The following OR13C3 variants were observed in gnomAD, a reference collection of about 807,000 sequenced individuals.
OR13C3 encodes the protein olfactory receptor 13C3.
Under a neutral mutation model 14.4 loss-of-function variants are expected in OR13C3, and 19 were observed. The ratio of observed to expected loss-of-function variants is 1.31; its 90% CI spans 0.92 to 1.93. The LOEUF (loss-of-function observed/expected upper bound fraction) is 1.93. Among genes scored for constraint, OR13C3 ranks in the 30% most tolerant of loss-of-function variants. OR13C3 has a pLI of 0.00. For missense variants in OR13C3, 394 were observed against 381.4 expected (o/e 1.03, Z -0.27); for synonymous variants, 140 against 142.5 (o/e 0.98, Z 0.12).
chr9:104,535,842 T>C (rs1210257676), exon 1 of OR13C3: 3 of 1,613,594 alleles, frequency 1.9e-6, no homozygotes, highest in East Asian at 4.5e-5. Context: ...AGCTATAGAG[T>C]ATAGGATTCA....
chr9:104,536,708 G>T, exon 1 of OR13C3: 1 of 1,613,702 alleles, frequency 6.2e-7, no homozygotes, highest in Non-Finnish European at 8.5e-7. Flanking sequence ...ACAAGTGTCT[G>T]GTTAATCTCA....
chr9:104,535,940 G>A, exon 1 of OR13C3: 1 of 1,614,052 alleles, frequency 6.2e-7, no homozygotes, highest in Non-Finnish European at 8.5e-7. Context: ...TGAGACTTCG[G>A]TTTCGCATAC....
chr9:104,536,051 T>C, exon 1 of OR13C3: 1 of 1,613,950 alleles, frequency 6.2e-7, no homozygotes, highest in Non-Finnish European at 8.5e-7. Flanking sequence ...ATTTGCAAGA[T>C]GGTGTAGAGG....
chr9:104,536,616 T>A (rs1735720807), exon 1 of OR13C3: 2 of 1,613,874 alleles, frequency 1.2e-6, no homozygotes, highest in South Asian at 2.2e-5. Flanking sequence ...TTAGAATCAC[T>A]AGGTACATAA....
chr9:104,536,173 A>G, exon 1 of OR13C3: 1 of 1,614,112 alleles, frequency 6.2e-7, no homozygotes, highest in South Asian at 1.1e-5. Flanking sequence ...CAGCTTGAGG[A>G]CAGCTAATAT....
chr9:104,536,407 G>A (rs1828817883), exon 1 of OR13C3: 2 of 1,614,098 alleles, frequency 1.2e-6, no homozygotes, highest in Admixed American at 3.3e-5. Flanking sequence ...TGACCCCATT[G>A]CAAACCCAAA....
Position 104,536,591 on chromosome 9 carries a change from G to GA in OR13C3, c.132dup (p.Leu45SerfsTer8). The GA allele has an allele frequency of 6.2e-7, 1 of 1,613,646 alleles. No individual in the cohort carries two copies. The highest frequency in any genetic ancestry group is 8.5e-7 in the Non-Finnish European group (1 of 1,179,606). ...GAATCAAAGATGCTGGCTATGATTA[G>GA]AACACCATTGCCAATTAGAATCACT... is the stretch of plus-strand genomic sequence containing the variant. On this transcript the variant is annotated frameshift_variant, in exon 1 of 1. Transcript: ENST00000641090. LOFTEE classifies it high-confidence loss of function.
At chr9:104,536,496 G>A (rs776871377) in exon 1 of OR13C3, 1 of 1,614,052 alleles carries the variant, frequency 6.2e-7, no homozygotes. Context: ...AGGGAACAGA[G>A]GAGGATGTAT....
chr9:104,536,073 G>A lies in OR13C3; in HGVS notation c.651C>T (p.Ser217=), dbSNP rs555076292. Residue 217 remains serine (S), a synonymous_variant, in exon 1 of 1, where the codon TCC becomes TCT. Transcript: ENST00000641090. The stretch of plus-strand genomic sequence containing the variant: ...AGATGGTGTAGAGGATGAACATATA[G>A]GAGAAAAAAATGACCATCAGTGGAA... 4 of 1,613,912 alleles carry A rather than the reference G, an allele frequency of 2.5e-6. No homozygotes were observed. In the African/African-American group the frequency reaches 5.3e-5, roughly 22 times the overall value.
At chr9:104,535,901 C>A in exon 1 of OR13C3, 1 of 1,613,932 alleles carries the variant, frequency 6.2e-7, no homozygotes, top group Non-Finnish European at 8.5e-7. Flanking sequence ...TTGTCTAATG[C>A]TTGCAATTTT....
At chr9:104,536,165 G>C in exon 1 of OR13C3, 1 of 1,614,068 alleles carries the variant, frequency 6.2e-7, no homozygotes, top group Non-Finnish European at 8.5e-7. Flanking sequence ...GCACAGGCCA[G>C]CTTGAGGACA....
chr9:104,536,393 C>G (rs770653849), exon 1 of OR13C3: 1 of 1,614,142 alleles, frequency 6.2e-7, no homozygotes, highest in South Asian at 1.1e-5. Context: ...AGCAGACATT[C>G]TGTTGACCCC....
At chr9:104,536,272 G>A (rs746666985) in exon 1 of OR13C3, 1 of 1,614,060 alleles carries the variant, frequency 6.2e-7, no homozygotes, top group South Asian at 1.1e-5. Flanking sequence ...TATTCCACCG[G>A]ACAGCCAGGA....
chr9:104,535,794 C>A (rs1828806065), exon 1 of OR13C3: 10 of 1,610,962 alleles, frequency 6.2e-6, no homozygotes, highest in Non-Finnish European at 8.5e-6. Flanking sequence ...TTTTGTTCAG[C>A]AAATATTTTA....
At chr9:104,536,055 G>A (rs774103264) in exon 1 of OR13C3, 1 of 1,614,140 alleles carries the variant, frequency 6.2e-7, no homozygotes, top group Non-Finnish European at 8.5e-7. Context: ...GCAAGATGGT[G>A]TAGAGGATGA....
rs147645466 is a variant in OR13C3 at position 104,535,945 on chromosome 9, G to A, written c.779C>T (p.Ala260Val). The A allele has an allele frequency of 8.0e-5, 129 of 1,613,966 alleles. No homozygotes were observed. In the African/African-American group the frequency reaches 9.6e-4, roughly 12 times the overall value. The change falls in exon 1 of 1, where the codon GCG becomes GTG. Residue 260 changes from alanine to valine, a missense_variant. By Grantham distance (64) the Ala-to-Val change is moderately conservative. Transcript: ENST00000641090. ...AATCAGGTCTTGAGACTTCGGTTTCGCATACATAAAGAAGATGGTACCGTA... is the reference window on the plus strand; with the variant it reads ...AATCAGGTCTTGAGACTTCGGTTTCACATACATAAAGAAGATGGTACCGTA...
exon 1 of OR13C3, chr9:104,536,715 C>A: frequency 1.2e-6 from 2 of 1,613,838 alleles, no homozygotes; most frequent in Non-Finnish European, 1.7e-6. Context: ...TCTGGTTAAT[C>A]TCACCCATGT....
chr9:104,535,875 A>G (rs761087941), exon 1 of OR13C3: 1 of 1,613,628 alleles, frequency 6.2e-7, no homozygotes, highest in Admixed American at 1.7e-5. Context: ...CTACCCCATA[A>G]AACAGAGAAA....
chr9:104,536,765 A>G, exon 1 of OR13C3: 1 of 1,613,790 alleles, frequency 6.2e-7, no homozygotes, highest in Non-Finnish European at 8.5e-7. Context: ...CTAACATGAA[A>G]TGTATTTACT....
Sources: gnomAD v4.1 joint callset for allele counts on GRCh38, gnomAD v4.1.1 for gene constraint, MANE v1.5 for transcripts, NCBI Gene and HGNC (gene_info 2026-07-23, HGNC 2026-07-21) for gene names.